The following FGGY variants were observed in gnomAD, a reference collection of about 807,000 sequenced individuals.
FGGY encodes the protein FGGY carbohydrate kinase domain-containing protein.
A neutral mutation model predicts 71.3 loss-of-function variants in FGGY; 72 were observed. That is an observed-to-expected ratio of 1.01 (90% CI 0.84 to 1.23). The LOEUF (loss-of-function observed/expected upper bound fraction) is 1.23, where lower values mean the gene tolerates loss of function less well. FGGY is among the 50% of genes most tolerant of loss of function. The pLI is 0.00. For synonymous variants in FGGY, 251 were observed against 250.3 expected (o/e 1.00, Z -0.02); for missense variants, 668 against 682.3 (o/e 0.98, Z 0.23).
At chr1:59,757,091 A>G (rs1291270930) in intron 14 of FGGY, among the ~76,000 whole-genome samples, 3 of 152,194 alleles carry the variant, frequency 2.0e-5, no homozygotes, top group African/African-American at 7.2e-5. Flanking sequence ...TAGGAATTCA[A>G]TAGCCGTTCC....
chr1:59,554,440 A>G (rs1299322352), intron 8 of FGGY, among the ~76,000 whole-genome samples: 3 of 152,174 alleles, frequency 2.0e-5, no homozygotes, highest in African/African-American at 4.8e-5. Flanking sequence ...CTTAGTAAGC[A>G]TGAAAAGGAT....
intron 5 of FGGY, among the ~76,000 whole-genome samples, chr1:59,450,512 C>T (rs2072452489): frequency 6.6e-6 from 1 of 152,014 alleles, no homozygotes; most frequent in Non-Finnish European, 1.5e-5. Context: ...TCTCCTTCTC[C>T]CTCCTCCTAT....
At chr1:59,552,582 G>A (rs2095624932) in intron 7 of FGGY, among the ~76,000 whole-genome samples, 1 of 152,174 alleles carries the variant, frequency 6.6e-6, no homozygotes, top group Admixed American at 6.5e-5. Flanking sequence ...AGTGCCTTCA[G>A]TATCTGGGGA....
At chr1:59,530,092 A>C (rs908406555) in intron 7 of FGGY, among the ~76,000 whole-genome samples, 2 of 152,102 alleles carry the variant, frequency 1.3e-5, no homozygotes, top group African/African-American at 4.8e-5. Flanking sequence ...CATTCATTTA[A>C]ATCTATTGTC....
At chr1:59,659,624 C>T (rs2097256117) in intron 11 of FGGY, among the ~76,000 whole-genome samples, 2 of 152,150 alleles carry the variant, frequency 1.3e-5, no homozygotes, top group Non-Finnish European at 1.5e-5. Context: ...CATACAAATC[C>T]GGCATCCTGT....
intron 8 of FGGY, among the ~76,000 whole-genome samples, chr1:59,584,538 C>T (rs1571634610): frequency 1.3e-5 from 2 of 149,982 alleles, no homozygotes; most frequent in East Asian, 3.9e-4. Context: ...TAAGACCTAT[C>T]TATGACAAAC....
intron 13 of FGGY, among the ~76,000 whole-genome samples, chr1:59,668,757 C>T (rs560696323): frequency 1.2e-4 from 18 of 151,728 alleles, no homozygotes; most frequent in Admixed American, 6.6e-4. Context: ...CCGAGGTGGG[C>T]GGATCACCTG....
chr1:59,497,660 C>T (rs2094084023), intron 6 of FGGY, among the ~76,000 whole-genome samples: 2 of 152,160 alleles, frequency 1.3e-5, no homozygotes, highest in South Asian at 4.1e-4. Context: ...AAGAATTGCC[C>T]ATTTCTGTTC....
intron 1 of FGGY, among the ~76,000 whole-genome samples, chr1:59,309,582 T>C (rs1163495348): frequency 6.6e-6 from 1 of 152,210 alleles, no homozygotes; most frequent in African/African-American, 2.4e-5. Flanking sequence ...GTACTTTGGT[T>C]CGTGGTACTT....
At chr1:59,378,716 C>A in intron 4 of FGGY, 33 bp from the exon 5 acceptor site, 1 of 1,585,730 alleles carries the variant, frequency 6.3e-7, no homozygotes, top group South Asian at 1.1e-5. Context: ...GAAAAACCCC[C>A]TAATTGATTC....
intron 8 of FGGY, 32 bp from the exon 9 acceptor site, chr1:59,607,771 T>G (rs778790229): frequency 1.3e-6 from 2 of 1,554,566 alleles, no homozygotes; most frequent in Admixed American, 3.4e-5. Flanking sequence ...TGAGAGTCAA[T>G]GTTTTCACAT....
In FGGY at chr1:59,330,518, G is replaced by A. The variant is rs57770041; in HGVS notation, c.201+8768G>A. On this transcript the variant is annotated intron_variant, in intron 2 of 15. Transcript: ENST00000303721. ...CGGGAGGCGGAGGTTGCAATAAGCCGAGATCGCAGCACTGCCCTCCAGCCT... is the reference window on the plus strand; with the variant it reads ...CGGGAGGCGGAGGTTGCAATAAGCCAAGATCGCAGCACTGCCCTCCAGCCT... Among the ~76,000 whole-genome samples, 1,274 of 150,624 alleles carry A rather than the reference G, an allele frequency of 8.5e-3. 20 individuals are homozygous for A. Among genetic ancestry groups the A allele is most frequent in the African/African-American group, 0.029 (1,191 of 41,102 alleles).
Position 59,490,188 on chromosome 1 carries a change from C to T in FGGY, c.671-22123C>T, listed in dbSNP as rs868624848. Among the ~76,000 whole-genome samples, 3 of 152,216 alleles carry T rather than the reference C, an allele frequency of 2.0e-5. No individual in the cohort carries two copies. In the South Asian group the frequency reaches 6.2e-4, roughly 32 times the overall value. On this transcript the variant is annotated intron_variant, in intron 6 of 15. Transcript: ENST00000303721. ...ACCTCAGCTTCCCAAGTAGCTGAGA[C>T]TACAGATGCACACCACCATACCCAC...
intron 14 of FGGY, among the ~76,000 whole-genome samples, chr1:59,709,833 G>T (rs1256894619): frequency 2.0e-5 from 3 of 152,146 alleles, no homozygotes; most frequent in African/African-American, 7.2e-5. Context: ...TCAACCTATG[G>T]CTGACAGGTG....
At chr1:59,736,643 C>T (rs772449195) in intron 14 of FGGY, among the ~76,000 whole-genome samples, 17 of 152,108 alleles carry the variant, frequency 1.1e-4, no homozygotes, top group Admixed American at 2.0e-4. Flanking sequence ...GGGTATCTGG[C>T]GGAAGAAATT....
intron 6 of FGGY, among the ~76,000 whole-genome samples, chr1:59,467,293 T>C (rs773745218): frequency 2.0e-5 from 3 of 151,996 alleles, no homozygotes; most frequent in Non-Finnish European, 2.9e-5. Flanking sequence ...TAGGTGGGAA[T>C]TGAACGATGA....
intron 6 of FGGY, among the ~76,000 whole-genome samples, chr1:59,488,604 C>T (rs547153370): frequency 6.7e-6 from 1 of 149,204 alleles, no homozygotes; most frequent in Admixed American, 6.7e-5. Context: ...TATATTCATA[C>T]TATATATGTA....
chr1:59,530,430 T>C (rs1348315566), intron 7 of FGGY, among the ~76,000 whole-genome samples: 1 of 152,164 alleles, frequency 6.6e-6, no homozygotes, highest in African/African-American at 2.4e-5. Flanking sequence ...CAAATTATAG[T>C]CTCTGTCCTC....
chr1:59,517,591 C>G (rs1422964127), intron 7 of FGGY, among the ~76,000 whole-genome samples: 4 of 152,278 alleles, frequency 2.6e-5, no homozygotes, highest in Admixed American at 2.0e-4. Context: ...CTGTTCTCCT[C>G]TGGGAAGCCC....
Sources: gnomAD v4.1 joint callset for allele counts (sites outside exome capture counted in the v4.1 genomes callset) on GRCh38, gnomAD v4.1.1 for gene constraint, MANE v1.5 for transcripts, NCBI Gene and HGNC (gene_info 2026-07-23, HGNC 2026-07-21) for gene names.